Variants in RIN2 observed in about 807,000 individuals in gnomAD.
The protein encoded by RIN2 is RAB5 interacting protein 2.
Under a neutral mutation model 78.0 loss-of-function variants are expected in RIN2, and 36 were observed. The observed-to-expected ratio is 0.46, with a 90% confidence interval of 0.35 to 0.61. The LOEUF is 0.61. Among genes scored for constraint, RIN2 ranks in the 20% least tolerant of loss-of-function variants. RIN2 has a pLI of 0.00. For synonymous variants in RIN2, 466 were observed against 466.8 expected (o/e 1.00, Z 0.02); for missense variants, 1,087 against 1,159.7 (o/e 0.94, Z 0.91).
At chr20:19,901,510 G>A (rs1176775055) in intron 3 of RIN2, among the ~76,000 whole-genome samples, 1 of 152,140 alleles carries the variant, frequency 6.6e-6, no homozygotes. Flanking sequence ...TTGAGGGGCG[G>A]CTCTTCCCCC....
chr20:19,907,704 CA>C (rs1351623282), intron 3 of RIN2, among the ~76,000 whole-genome samples: 2 of 152,180 alleles, frequency 1.3e-5, no homozygotes, highest in African/African-American at 4.8e-5. Context: ...GGGCCTTGCC[CA>C]GAGTCCACAC....
At chr20:19,960,839 T>C in intron 6 of RIN2, 28 bp downstream of exon 6, 1 of 1,434,970 alleles carries the variant, frequency 7.0e-7, no homozygotes, top group African/African-American at 1.4e-5. Context: ...GCTCAGGTCC[T>C]GACTGACAGG....
Position 19,909,663 on chromosome 20 carries a change from C to A in RIN2, c.57+20005C>A, listed in dbSNP as rs546592891. Among the ~76,000 whole-genome samples, 5 of 152,322 alleles carry A rather than the reference C, an allele frequency of 3.3e-5. No individual in the cohort carries two copies. The East Asian group carries it at 9.6e-4, about 29-fold the overall frequency. ...CTTTCACCATCCCACCAAGTTATCT[C>A]ATCTTTTACAGATGAGGAAACTGAG... On this transcript the variant is annotated intron_variant, in intron 3 of 12. Coordinates refer to ENST00000255006, the MANE Select transcript of RIN2 (RefSeq NM_018993.4).
intron 2 of RIN2, among the ~76,000 whole-genome samples, chr20:19,884,372 C>T (rs1410582834): frequency 1.3e-5 from 2 of 151,998 alleles, no homozygotes; most frequent in African/African-American, 4.8e-5. Context: ...GGCAGTGAGC[C>T]GTGACTGCAG....
chr20:19,863,239 A>G (rs570321521), intron 2 of RIN2, among the ~76,000 whole-genome samples: 1 of 152,208 alleles, frequency 6.6e-6, no homozygotes, highest in Non-Finnish European at 1.5e-5. Flanking sequence ...CTTTAGGAAC[A>G]TTATTTAACA....
At chr20:19,909,319 G>A (rs1260770664) in intron 3 of RIN2, among the ~76,000 whole-genome samples, 2 of 152,042 alleles carry the variant, frequency 1.3e-5, no homozygotes, top group African/African-American at 4.8e-5. Flanking sequence ...CTACCCCCAA[G>A]GCAAGATTAA....
At chr20:19,928,842 C>T (rs2040332849) in intron 3 of RIN2, among the ~76,000 whole-genome samples, 1 of 152,194 alleles carries the variant, frequency 6.6e-6, no homozygotes, top group Non-Finnish European at 1.5e-5. Context: ...CAGCAGCCCA[C>T]TCTCTCCCAG....
intron 1 of RIN2, among the ~76,000 whole-genome samples, chr20:19,764,918 G>GTTGTT (rs2033805829): frequency 2.0e-5 from 1 of 50,362 alleles, no homozygotes; most frequent in Non-Finnish European, 3.6e-5. Flanking sequence ...CACTTTCTGC[G>GTTGTT]TTTTTTTTTT....
rs180689911 is a variant in RIN2, at chr20:19,917,810, A to G, written c.58-17289A>G. Among the ~76,000 whole-genome samples the G allele has an allele frequency of 3.2e-3, 486 of 152,332 alleles. 10 individuals are homozygous for G. The highest frequency in any genetic ancestry group is 0.03 in the Admixed American group (453 of 15,302). ...TTTAAAGGCGGAATAGCATTCCATC[A>G]TATTGGGGTACACACTTTATTTACC... On this transcript the variant is annotated intron_variant, in intron 3 of 12. Transcript: ENST00000255006.
At chr20:19,981,536 G>A (rs535794581) in intron 9 of RIN2, among the ~76,000 whole-genome samples, 2 of 152,322 alleles carry the variant, frequency 1.3e-5, no homozygotes, top group South Asian at 2.1e-4. Flanking sequence ...CCATAAGGGA[G>A]ATTGGTCTCT....
intron 1 of RIN2, among the ~76,000 whole-genome samples, chr20:19,767,070 A>G (rs2033916988): frequency 6.6e-6 from 1 of 152,200 alleles, no homozygotes. Context: ...TAATTGGGGA[A>G]AAGGCATACA....
At chr20:19,862,054 T>G (rs2037361434) in intron 2 of RIN2, among the ~76,000 whole-genome samples, 1 of 152,200 alleles carries the variant, frequency 6.6e-6, no homozygotes, top group Admixed American at 6.5e-5. Flanking sequence ...CCATACCTGA[T>G]CAGATTTCTT....
At chr20:19,873,893 A>T (rs766149691) in intron 2 of RIN2, among the ~76,000 whole-genome samples, 12 of 152,212 alleles carry the variant, frequency 7.9e-5, no homozygotes, top group Non-Finnish European at 1.8e-4. Flanking sequence ...ATCAATAATC[A>T]TGGTGCTTTT....
chr20:19,856,821 G>A (rs1428369823), intron 2 of RIN2, among the ~76,000 whole-genome samples: 1 of 152,176 alleles, frequency 6.6e-6, no homozygotes, highest in Non-Finnish European at 1.5e-5. Flanking sequence ...CATGAGCGAG[G>A]TAGCTTTGGC....
At chr20:19,794,532 C>CAAAAAAAA (rs10530809) in intron 1 of RIN2, among the ~76,000 whole-genome samples, 1 of 88,596 alleles carries the variant, frequency 1.1e-5, no homozygotes, top group Non-Finnish European at 2.2e-5. Flanking sequence ...ACCCTGTATC[C>CAAAAAAAA]AAAAAAAAAA....
chr20:19,896,380 G>A (rs1319515702), intron 3 of RIN2, among the ~76,000 whole-genome samples: 1 of 152,148 alleles, frequency 6.6e-6, no homozygotes, highest in East Asian at 1.9e-4. Flanking sequence ...AGTAGAGGCG[G>A]GGTTTCTCCA....
intron 4 of RIN2, chr20:19,935,721 C>A: frequency 1.7e-6 from 1 of 578,208 alleles, no homozygotes; most frequent in Non-Finnish European, 2.2e-6. Flanking sequence ...GCGTGCTGTG[C>A]TGTTGAAGGC....
intron 6 of RIN2, among the ~76,000 whole-genome samples, chr20:19,963,287 G>C (rs2041825547): frequency 6.6e-6 from 1 of 152,032 alleles, no homozygotes. Context: ...GATGTTTTTT[G>C]GGGGTGCTAC....
chr20:19,826,389 CTA>C (rs2036090513), intron 2 of RIN2, among the ~76,000 whole-genome samples: 1 of 152,318 alleles, frequency 6.6e-6, no homozygotes, highest in South Asian at 2.1e-4. Flanking sequence ...GCACGGGTAA[CTA>C]AGTAACTGCT....
Sources: allele counts gnomAD v4.1 joint callset (sites outside exome capture counted in the v4.1 genomes callset), GRCh38; gene constraint gnomAD v4.1.1; transcripts MANE v1.5; gene names NCBI Gene and HGNC (gene_info 2026-07-23, HGNC 2026-07-21).